The following DPP6 variants were observed in gnomAD, a reference collection of about 807,000 sequenced individuals.
DPP6 encodes A-type potassium channel modulatory protein DPP6.
In DPP6, 69 loss-of-function variants were observed where a neutral mutation model predicts 122.6. The observed-to-expected ratio is 0.56, with a 90% CI of 0.46 to 0.69. DPP6 has a LOEUF of 0.69. Ranked by LOEUF, DPP6 falls within the 30% of genes least tolerant of loss-of-function variation. The pLI, the probability that DPP6 is intolerant of heterozygous loss-of-function variation, is 0.00. For synonymous variants in DPP6, 418 were observed against 433.1 expected (o/e 0.97, Z 0.43); for missense variants, 928 against 1,116.9 (o/e 0.83, Z 2.41).
intron 1 of DPP6, among the ~76,000 whole-genome samples, chr7:154,175,220 T>G (rs753956087): frequency 1.3e-5 from 2 of 152,150 alleles, no homozygotes; most frequent in Non-Finnish European, 2.9e-5. Context: ...CTCTGTCACC[T>G]GGTGTCACAC....
At chr7:154,054,989 A>C (rs1288531978) in intron 1 of DPP6, among the ~76,000 whole-genome samples, 4 of 152,154 alleles carry the variant, frequency 2.6e-5, no homozygotes, top group African/African-American at 9.7e-5. Flanking sequence ...TGATTCTCAG[A>C]TAAACACAGG....
chr7:154,795,420 G>C (rs1797983540), intron 11 of DPP6, among the ~76,000 whole-genome samples: 1 of 152,192 alleles, frequency 6.6e-6, no homozygotes, highest in South Asian at 2.1e-4. Context: ...TGGTCCACCA[G>C]GAGTGTTACT....
chr7:153,793,850 A>G, the DPP6 span, among the ~76,000 whole-genome samples: 1 of 152,176 alleles, frequency 6.6e-6, no homozygotes, highest in South Asian at 2.1e-4. Context: ...GCCATGGCTG[A>G]AAGGGGCCAA....
chr7:154,554,362 TTC>T (rs147907397), intron 4 of DPP6, among the ~76,000 whole-genome samples: 2,592 of 152,302 alleles, frequency 0.017, 69 homozygotes, highest in African/African-American at 0.057. Flanking sequence ...AGGGTTTTTT[TTC>T]ATTATGAGTT....
chr7:154,687,072 T>C (rs4960725), intron 7 of DPP6, among the ~76,000 whole-genome samples: 4,233 of 59,584 alleles, frequency 0.071, 198 homozygotes, highest in African/African-American at 0.22. Flanking sequence ...TCTATACTCA[T>C]GTGACTTGAG....
intron 1 of DPP6, among the ~76,000 whole-genome samples, chr7:153,958,299 T>C (rs1300796687): frequency 6.6e-6 from 1 of 152,162 alleles, no homozygotes; most frequent in Non-Finnish European, 1.5e-5. Context: ...AAGTGGGCTT[T>C]GTCATCTTCA....
At chr7:154,119,554 G>C (rs991433960) in intron 1 of DPP6, among the ~76,000 whole-genome samples, 2 of 151,012 alleles carry the variant, frequency 1.3e-5, no homozygotes, top group Non-Finnish European at 3.0e-5. Context: ...CAACAATGGT[G>C]AGGCTGTTGA....
intron 1 of DPP6, among the ~76,000 whole-genome samples, chr7:154,406,475 GCATA>G (rs1002042178): frequency 8.8e-5 from 13 of 147,150 alleles, no homozygotes; most frequent in African/African-American, 2.9e-4. Context: ...ACACGCACAC[GCATA>G]CACACACACA....
intron 8 of DPP6, among the ~76,000 whole-genome samples, chr7:154,734,643 G>C (rs533863724): frequency 6.6e-6 from 1 of 152,310 alleles, no homozygotes; most frequent in Non-Finnish European, 1.5e-5. Flanking sequence ...TGTTTGGTTA[G>C]ACAAGGACAT....
At chr7:154,748,586 G>A (rs911974428) in intron 8 of DPP6, among the ~76,000 whole-genome samples, 4 of 152,256 alleles carry the variant, frequency 2.6e-5, no homozygotes, top group Admixed American at 2.0e-4. Flanking sequence ...CTGCGGGGCG[G>A]GGAGGGAGAC....
chr7:153,924,505 C>T (rs1800798432), intron 1 of DPP6, among the ~76,000 whole-genome samples: 2 of 152,202 alleles, frequency 1.3e-5, no homozygotes, highest in African/African-American at 4.8e-5. Context: ...CGCTCCCTCC[C>T]TGTGGCCAGC....
At chr7:154,407,231 G>C (rs1480254599) in intron 1 of DPP6, among the ~76,000 whole-genome samples, 1 of 152,132 alleles carries the variant, frequency 6.6e-6, no homozygotes, top group Non-Finnish European at 1.5e-5. Flanking sequence ...TTAATTTCAA[G>C]ATTCTTTGAG....
intron 1 of DPP6, among the ~76,000 whole-genome samples, chr7:154,368,121 G>A (rs1812340108): frequency 6.6e-6 from 1 of 152,176 alleles, no homozygotes; most frequent in African/African-American, 2.4e-5. Context: ...ACTTTATACT[G>A]TGGAATGTAA....
chr7:153,993,287 C>G (rs1355838803), intron 1 of DPP6, among the ~76,000 whole-genome samples: 1 of 152,146 alleles, frequency 6.6e-6, no homozygotes, highest in African/African-American at 2.4e-5. Context: ...GATCTAGCAC[C>G]CAGATTGATC....
At chr7:153,810,052 C>T in the DPP6 span, among the ~76,000 whole-genome samples, 1 of 152,356 alleles carries the variant, frequency 6.6e-6, no homozygotes, top group East Asian at 1.9e-4. Context: ...GATGAGTCTT[C>T]AGGTCACTGT....
intron 5 of DPP6, among the ~76,000 whole-genome samples, chr7:154,590,397 T>C (rs1010075835): frequency 1.3e-5 from 2 of 151,336 alleles, no homozygotes; most frequent in Non-Finnish European, 2.9e-5. Flanking sequence ...TAATTTCTAG[T>C]GTCTTTTTAG....
chr7:154,881,019 T>C, intron 21 of DPP6, 77 bp downstream of exon 21: 1 of 1,527,610 alleles, frequency 6.5e-7, no homozygotes, highest in African/African-American at 1.4e-5. Flanking sequence ...CTAATCCTGA[T>C]TTATTGAGAA....
At chr7:154,382,008 C>T (rs529694271) in intron 1 of DPP6, among the ~76,000 whole-genome samples, 1 of 151,654 alleles carries the variant, frequency 6.6e-6, no homozygotes, top group Admixed American at 6.6e-5. Context: ...AAATTACATG[C>T]AAACCAGGTT....
chr7:154,547,237 C>T (rs1042065892), intron 4 of DPP6, among the ~76,000 whole-genome samples: 1 of 152,226 alleles, frequency 6.6e-6, no homozygotes, highest in African/African-American at 2.4e-5. Context: ...TAATCTGAGG[C>T]TGGATTTCAC....
Sources: allele counts gnomAD v4.1 joint callset (sites outside exome capture counted in the v4.1 genomes callset), GRCh38; gene constraint gnomAD v4.1.1; transcripts MANE v1.5; gene names NCBI Gene and HGNC (gene_info 2026-07-23, HGNC 2026-07-21).